Variants in POTEE observed in about 807,000 individuals in gnomAD.
POTEE encodes ANKRD26-like family C member 1A.
In POTEE, 21 loss-of-function variants were observed where a neutral mutation model predicts 74.2. The ratio of observed to expected loss-of-function variants is 0.28; its 90% CI spans 0.20 to 0.41. POTEE has a LOEUF of 0.41. Among genes scored for constraint, POTEE ranks in the 10% least tolerant of loss-of-function variants. POTEE has a pLI of 1.00. For missense variants in POTEE, 525 were observed against 1,158.6 expected (o/e 0.45, Z 7.94); for synonymous variants, 211 against 432.8 (o/e 0.49, Z 6.36).
chr2:131,230,293 T>G (rs1024017262), intron 8 of POTEE, among the ~76,000 whole-genome samples: 2 of 152,162 alleles, frequency 1.3e-5, no homozygotes, highest in Admixed American at 1.3e-4. Context: ...AACTACAACA[T>G]TTGTATATTA....
chr2:131,263,040 CTTTT>C (rs1487882641), intron 17 of POTEE, among the ~76,000 whole-genome samples: 4 of 148,660 alleles, frequency 2.7e-5, no homozygotes, highest in Non-Finnish European at 6.0e-5. Flanking sequence ...CAGAAAAAGG[CTTTT>C]TTAATTCTGG....
intron 1 of POTEE, among the ~76,000 whole-genome samples, 83 bp downstream of exon 1, chr2:131,209,902 G>C (rs1371606536): frequency 6.6e-6 from 1 of 150,946 alleles, no homozygotes; most frequent in South Asian, 2.1e-4. Flanking sequence ...AGGCTGCACT[G>C]CCTGTGTCAG....
chr2:131,220,019 T>G (rs1394520585), intron 4 of POTEE, among the ~76,000 whole-genome samples: 1 of 150,520 alleles, frequency 6.6e-6, no homozygotes, highest in Non-Finnish European at 1.5e-5. Flanking sequence ...ATTTAGCGCT[T>G]GATAATGGTG....
At chr2:131,237,430 G>C (rs1411450534) in intron 10 of POTEE, among the ~76,000 whole-genome samples, 1 of 151,602 alleles carries the variant, frequency 6.6e-6, no homozygotes, top group Non-Finnish European at 1.5e-5. Context: ...CAACACAGCT[G>C]CCTATTACAA....
At position 131,263,973 on chromosome 2, in the gene POTEE, C is replaced by T; in HGVS notation, c.2518C>T (p.Pro840Ser). The T allele has an allele frequency of 6.2e-7, 1 of 1,614,222 alleles. No individual in the cohort carries two copies. Among genetic ancestry groups the T allele is most frequent in the Non-Finnish European group, 8.5e-7 (1 of 1,180,046 alleles). ...PAMYVAIQAV[P>S]SLYTSGRTTG... ...CATGTACGTGGCCATCCAGGCCGTG[C>T]CGTCCCTGTACACCTCTGGCCGTAC... Residue 840 changes from proline to serine, a missense_variant, in exon 18 of 18, where the codon CCG becomes TCG. Pro to Ser is a moderately conservative substitution (Grantham distance 74). Transcript: ENST00000683005.
chr2:131,217,879 G>T (rs1425627203), intron 3 of POTEE, among the ~76,000 whole-genome samples, 196 bp downstream of exon 3: 1 of 149,320 alleles, frequency 6.7e-6, no homozygotes, highest in African/African-American at 2.5e-5. Context: ...CGGCTTGCAC[G>T]CGCACGCCGC....
chr2:131,231,285 G>A (rs13404234), intron 9 of POTEE, among the ~76,000 whole-genome samples: 117,998 of 142,652 alleles, frequency 0.83, 49,075 homozygotes, highest in Admixed American at 0.89. Context: ...TGAGTATCTA[G>A]TGCTATCACT....
At chr2:131,230,641 C>G (rs182902575) in intron 8 of POTEE, among the ~76,000 whole-genome samples, 195 bp from the exon 9 acceptor site, 6 of 152,186 alleles carry the variant, frequency 3.9e-5, no homozygotes, top group Middle Eastern at 3.4e-3. Flanking sequence ...GACTATTTCA[C>G]CTTACATTTT....
rs1385297005 is a variant in POTEE, at chr2:131,265,000, C to T, written c.*317C>T. On this transcript the variant is annotated 3_prime_UTR_variant, in exon 18 of 18. Transcript: ENST00000683005. ...CTGCTAAAAGCCATCCCACTTCTCT[C>T]TAAGGAGAATGGCCCAGTCCTCTCC... The T allele has an allele frequency of 1.9e-6, 1 of 537,662 alleles. No individual in the cohort carries two copies. The highest frequency in any genetic ancestry group is 3.3e-6 in the Non-Finnish European group (1 of 305,142). The allele number at this position is 537,662 out of a possible 1,614,324, so 33.3% of individuals were successfully genotyped here. A position where few individuals can be genotyped will look rare whatever the true frequency, so the allele number is the denominator to read the frequency against.
intron 4 of POTEE, among the ~76,000 whole-genome samples, chr2:131,221,966 G>A (rs1274471526): frequency 1.3e-5 from 2 of 152,242 alleles, no homozygotes; most frequent in African/African-American, 4.8e-5. Context: ...TATCTCTCAG[G>A]ATCCTTCCAC....
At position 131,263,998 on chromosome 2, in the gene POTEE, C is replaced by T; in HGVS notation, c.2543C>T (p.Thr848Ile). ...AVPSLYTSGR[T>I]TGIVMDSGDG... is the part of the protein sequence containing the mutation. ...CCGTCCCTGTACACCTCTGGCCGTACTACTGGCATCGTGATGGACTCTGGT... is the reference window on the plus strand; with the variant it reads ...CCGTCCCTGTACACCTCTGGCCGTATTACTGGCATCGTGATGGACTCTGGT... Residue 848 changes from threonine (T) to isoleucine (I), a missense_variant, in exon 18 of 18, where the codon ACT becomes ATT. By Grantham distance (89) the Thr-to-Ile change is moderately conservative. Coordinates refer to ENST00000683005, the MANE Select transcript of POTEE (RefSeq NM_001083538.3). The T allele has an allele frequency of 6.2e-7, 1 of 1,614,228 alleles. No homozygotes were observed. Among genetic ancestry groups the T allele is most frequent in the African/African-American group, 1.3e-5 (1 of 75,066 alleles).
intron 2 of POTEE, among the ~76,000 whole-genome samples, chr2:131,216,953 A>G (rs1700455472): frequency 6.6e-6 from 1 of 152,240 alleles, no homozygotes; most frequent in African/African-American, 2.4e-5. Context: ...AAGATTGCTA[A>G]TGGGTGCAAA....
intron 6 of POTEE, 75 bp from the exon 7 acceptor site, chr2:131,226,748 A>G (rs1700791536): frequency 6.9e-6 from 11 of 1,604,274 alleles, no homozygotes; most frequent in Admixed American, 3.4e-5. Context: ...AAGATCTTAC[A>G]TAAAGTTTCC....
chr2:131,211,593 C>T (rs1316871134), intron 2 of POTEE, among the ~76,000 whole-genome samples: 2 of 113,604 alleles, frequency 1.8e-5, no homozygotes, highest in Non-Finnish European at 3.4e-5. Context: ...CGCTCTTTTG[C>T]CCAGGCTGGA....
At chr2:131,225,789 A>T (rs1436685772) in intron 6 of POTEE, among the ~76,000 whole-genome samples, 1 of 151,394 alleles carries the variant, frequency 6.6e-6, no homozygotes. Context: ...GCCTCCCCAA[A>T]TGCTAGGATT....
chr2:131,218,209 C>T (rs1700495365), intron 3 of POTEE, 101 bp from the exon 4 acceptor site: 6 of 941,316 alleles, frequency 6.4e-6, no homozygotes, highest in Non-Finnish European at 9.2e-6. Flanking sequence ...GTGGGCTTTC[C>T]TCGGGTGGGT....
intron 4 of POTEE, among the ~76,000 whole-genome samples, chr2:131,220,221 T>A (rs1700575718): frequency 6.6e-6 from 1 of 151,546 alleles, no homozygotes; most frequent in Admixed American, 6.6e-5. Context: ...TATACTTTTT[T>A]TTGGATGGAG....
chr2:131,236,643 ATGT>A (rs1347738820), intron 9 of POTEE, 86 bp from the exon 10 acceptor site: 1 of 788,500 alleles, frequency 1.3e-6, no homozygotes, highest in East Asian at 5.7e-5. Flanking sequence ...ATGAAATAAA[ATGT>A]TGTCTTAAAT....
In POTEE at chr2:131,264,904, T is replaced by G. The variant is rs1247478273; in HGVS notation, c.*221T>G. On this transcript the variant is annotated 3_prime_UTR_variant, in exon 18 of 18. Transcript: ENST00000683005. ...CTACAATGTTGCCAAGGACTTTGATTGTACATTGTTCTTCTTTTCAATAGT... is the reference window on the plus strand; with the variant it reads ...CTACAATGTTGCCAAGGACTTTGATGGTACATTGTTCTTCTTTTCAATAGT... 6.0e-6 allele frequency: 5 copies of G among 835,944 alleles called. No individual in the cohort carries two copies. The highest frequency in any genetic ancestry group is 1.7e-5 in the African/African-American group (1 of 57,684). 51.8% of individuals were successfully genotyped at this position (835,944 alleles called of 1,614,324 possible). A position where few individuals can be genotyped will look rare whatever the true frequency, so the allele number is the denominator to read the frequency against.
Sources: allele counts gnomAD v4.1 joint callset (sites outside exome capture counted in the v4.1 genomes callset), GRCh38; gene constraint gnomAD v4.1.1; transcripts MANE v1.5; gene names NCBI Gene and HGNC (gene_info 2026-07-23, HGNC 2026-07-21).